MED12L: variants seen among roughly 807,000 people sequenced by gnomAD.
MED12L encodes mediator of RNA polymerase II transcription subunit 12-like protein.
In MED12L, 60 loss-of-function variants were observed where a neutral mutation model predicts 281.3. That is an observed-to-expected ratio of 0.21 (90% CI 0.17 to 0.26). The LOEUF (loss-of-function observed/expected upper bound fraction) is 0.26, where lower values mean the gene tolerates loss of function less well. Among genes scored for constraint, MED12L ranks in the 10% least tolerant of loss-of-function variants. The probability of loss-of-function intolerance (pLI) is 1.00; values close to 1 mark genes in which losing one functional copy is unlikely to be tolerated. For missense variants in MED12L, 2,146 were observed against 2,680.9 expected (o/e 0.80, Z 4.41); for synonymous variants, 974 against 987.2 (o/e 0.99, Z 0.25).
rs1471722731 is a variant in MED12L at position 151,265,081 on chromosome 3, C to T, written c.2250+71415C>T. Among the ~76,000 whole-genome samples the T allele has an allele frequency of 2.0e-5, 3 of 152,302 alleles. No homozygotes were observed. In the East Asian group the frequency reaches 5.8e-4, roughly 29 times the overall value. On this transcript the variant is annotated intron_variant, in intron 16 of 44. Coordinates refer to ENST00000687756, the MANE Select transcript of MED12L (RefSeq NM_001393769.1). ...TTCCAGAACTCGCCATTATGTCCTG[C>T]CTCCAGCCTGCTAGATTATTCTTCA...
chr3:151,172,278 A>G (rs1721533229), intron 11 of MED12L, among the ~76,000 whole-genome samples: 1 of 152,200 alleles, frequency 6.6e-6, no homozygotes, highest in South Asian at 2.1e-4. Flanking sequence ...TTTCCTGACG[A>G]TGTGAAAATG....
intron 36 of MED12L, 51 bp from the exon 37 acceptor site, chr3:151,387,759 G>A (rs1341441174): frequency 6.5e-7 from 1 of 1,546,248 alleles, no homozygotes; most frequent in East Asian, 2.3e-5. Context: ...CCTGGCCTAT[G>A]AATAAGGAAA....
intron 16 of MED12L, among the ~76,000 whole-genome samples, chr3:151,194,130 T>C (rs1231072710): frequency 6.6e-6 from 1 of 152,068 alleles, no homozygotes. Flanking sequence ...CACGCCTGGC[T>C]AATTTTTTGT....
chr3:151,214,777 G>A (rs1221018671), intron 16 of MED12L, among the ~76,000 whole-genome samples: 2 of 152,064 alleles, frequency 1.3e-5, no homozygotes, highest in Non-Finnish European at 2.9e-5. Flanking sequence ...TAAAACTCCA[G>A]AGTTCTAGGA....
intron 11 of MED12L, among the ~76,000 whole-genome samples, chr3:151,167,956 G>T (rs1720930521): frequency 6.6e-6 from 1 of 152,060 alleles, no homozygotes; most frequent in African/African-American, 2.4e-5. Flanking sequence ...TCCTGGTGAG[G>T]GTTTTACCAA....
At chr3:151,271,791 TC>T (rs907184184) in intron 16 of MED12L, among the ~76,000 whole-genome samples, 11 of 152,322 alleles carry the variant, frequency 7.2e-5, no homozygotes, top group African/African-American at 2.6e-4. Flanking sequence ...ACCTTGTGAT[TC>T]CATTTCAGTG....
At chr3:151,413,012 T>G (rs1717133156) in intron 41 of MED12L, 127 bp from the exon 42 acceptor site, 1 of 1,058,388 alleles carries the variant, frequency 9.4e-7, no homozygotes. Flanking sequence ...TTTAGTCTAT[T>G]TGAATTGTGC....
At chr3:151,240,631 C>T (rs1430264821) in intron 16 of MED12L, among the ~76,000 whole-genome samples, 1 of 152,134 alleles carries the variant, frequency 6.6e-6, no homozygotes, top group Non-Finnish European at 1.5e-5. Context: ...TCTCCTTTAT[C>T]TACCATGCAA....
chr3:151,184,572 T>C (rs1032932092), intron 11 of MED12L, among the ~76,000 whole-genome samples: 2 of 152,162 alleles, frequency 1.3e-5, no homozygotes, highest in Non-Finnish European at 2.9e-5. Context: ...ATCTCCCCGC[T>C]CACCACTCGC....
At position 151,357,321 on chromosome 3, in the gene MED12L, C is replaced by T. The variant is rs374174117; in HGVS notation, c.2770C>T (p.Arg924Cys). ...TGTCTGCATCGTGGCTGTTCTCAGG[C>T]GCTATCACAGTTGTCTAATCTTGAA... ...LCVCIVAVLR[R>C]YHSCLILNPD... is the part of the protein sequence containing the mutation. The change falls in exon 20 of 45, where the codon CGC becomes TGC. Residue 924 changes from arginine to cysteine, a missense_variant. Physicochemically the swap from Arg to Cys is radical, Grantham distance 180 (BLOSUM62 -3). Coordinates refer to ENST00000687756, the MANE Select transcript of MED12L (RefSeq NM_001393769.1). The T allele has an allele frequency of 7.4e-6, 12 of 1,613,572 alleles. No homozygotes were observed. The African/African-American group carries it at 8.0e-5, about 11-fold the overall frequency.
At chr3:151,272,145 A>C (rs923889218) in intron 16 of MED12L, among the ~76,000 whole-genome samples, 1 of 152,206 alleles carries the variant, frequency 6.6e-6, no homozygotes, top group Non-Finnish European at 1.5e-5. Flanking sequence ...TGTGTACCAC[A>C]TGAGCTTGCA....
At chr3:151,285,889 T>G (rs56087525) in intron 16 of MED12L, among the ~76,000 whole-genome samples, 48,409 of 151,900 alleles carry the variant, frequency 0.32, 7,772 homozygotes, top group African/African-American at 0.34. Context: ...TCACCTCACA[T>G]GGAATCCGTT....
intron 5 of MED12L, among the ~76,000 whole-genome samples, chr3:151,137,492 C>G (rs1716321141): frequency 6.6e-6 from 1 of 152,178 alleles, no homozygotes; most frequent in Non-Finnish European, 1.5e-5. Flanking sequence ...AAAGCAAGAT[C>G]TGGGTGCTAA....
At chr3:151,279,162 A>G (rs1264690983) in intron 16 of MED12L, among the ~76,000 whole-genome samples, 1 of 152,238 alleles carries the variant, frequency 6.6e-6, no homozygotes, top group Non-Finnish European at 1.5e-5. Flanking sequence ...TCAGAACCAG[A>G]AAGAAAGAAG....
intron 2 of MED12L, among the ~76,000 whole-genome samples, chr3:151,095,877 A>G (rs1720649092): frequency 6.6e-6 from 1 of 152,166 alleles, no homozygotes; most frequent in African/African-American, 2.4e-5. Context: ...CCGATCTCAA[A>G]AGAAAGCCAG....
intron 16 of MED12L, among the ~76,000 whole-genome samples, chr3:151,254,771 G>A (rs1003313238): frequency 6.6e-6 from 1 of 152,186 alleles, no homozygotes; most frequent in African/African-American, 2.4e-5. Flanking sequence ...TAATAACTTT[G>A]TGTTACATTT....
At chr3:151,321,798 C>T (rs1030132535) in intron 16 of MED12L, among the ~76,000 whole-genome samples, 2 of 151,986 alleles carry the variant, frequency 1.3e-5, no homozygotes, top group African/African-American at 4.8e-5. Context: ...ATTATCTTGC[C>T]TTTTTCTTTC....
intron 16 of MED12L, among the ~76,000 whole-genome samples, chr3:151,236,286 T>C (rs1054867773): frequency 7.2e-5 from 11 of 152,226 alleles, no homozygotes; most frequent in Non-Finnish European, 1.3e-4. Flanking sequence ...AGTTTTAAAA[T>C]GTACTTTTAT....
chr3:151,381,228 G>A (rs144139983), intron 32 of MED12L, among the ~76,000 whole-genome samples: 5 of 152,038 alleles, frequency 3.3e-5, no homozygotes, highest in South Asian at 2.1e-4. Context: ...TCTTTCCCTC[G>A]AATGGTACTA....
Sources: allele counts gnomAD v4.1 joint callset (sites outside exome capture counted in the v4.1 genomes callset), GRCh38; gene constraint gnomAD v4.1.1; transcripts MANE v1.5; gene names NCBI Gene and HGNC (gene_info 2026-07-23, HGNC 2026-07-21).